SACS: variants seen among roughly 807,000 people sequenced by gnomAD.
SACS encodes the protein sacsin.
In SACS, 197 loss-of-function variants were observed where a neutral mutation model predicts 348.0. That is an observed-to-expected ratio of 0.57 (90% CI 0.50 to 0.64). SACS has a LOEUF of 0.64. Among genes scored for constraint, SACS ranks in the 30% least tolerant of loss-of-function variants. The pLI is 0.00. For missense variants in SACS, 4,999 were observed against 5,360.8 expected (o/e 0.93, Z 2.11); for synonymous variants, 1,985 against 1,910.6 (o/e 1.04, Z -1.02).
In SACS at chr13:23,330,169, T is replaced by C. The variant is rs777831725; in HGVS notation, c.13707A>G (p.Ile4569Met). Reference protein sequence around the residue: ...RVMECTACIIIKLENFMQQKV With the variant: ...RVMECTACIIMKLENFMQQKV Reference sequence around the variant, plus strand: ...TTTGTTGCATAAAATTTTCAAGTTTTATTATGATACAGGCAGTACATTCCA... The same window carrying C: ...TTTGTTGCATAAAATTTTCAAGTTTCATTATGATACAGGCAGTACATTCCA... The change falls in exon 10 of 10, where the codon ATA becomes ATG. Residue 4569 changes from isoleucine to methionine, a missense_variant. Coordinates refer to ENST00000382292, the MANE Select transcript of SACS (RefSeq NM_014363.6). The C allele has an allele frequency of 6.2e-7, 1 of 1,614,096 alleles. No individual in the cohort carries two copies. The highest frequency in any genetic ancestry group is 8.5e-7 in the Non-Finnish European group (1 of 1,179,948).
chr13:23,375,646 G>GCCCCT, intron 2 of SACS: 2 of 791,530 alleles, frequency 2.5e-6, no homozygotes. Flanking sequence ...GATCCGCCCC[G>GCCCCT]CCCCTCCCGC....
intron 9 of SACS, among the ~76,000 whole-genome samples, chr13:23,342,335 G>A (rs1056828409): frequency 7.2e-5 from 11 of 152,140 alleles, no homozygotes; most frequent in East Asian, 3.9e-4. Context: ...AATGTTTAGC[G>A]CTTATTTGCC....
chr13:23,357,829 A>T (rs1413240380), intron 7 of SACS, among the ~76,000 whole-genome samples: 1 of 152,236 alleles, frequency 6.6e-6, no homozygotes, highest in Admixed American at 6.5e-5. Context: ...AATGCTTATA[A>T]GTCTAAAAAG....
chr13:23,393,009 C>T (rs1339241765), intron 2 of SACS, among the ~76,000 whole-genome samples: 1 of 152,172 alleles, frequency 6.6e-6, no homozygotes, highest in Non-Finnish European at 1.5e-5. Flanking sequence ...CACCAACCCT[C>T]ACCACCCCAC....
rs569487087 is a variant in SACS, at chr13:23,422,852, C to CT, written c.-502+10762dup. 9.9e-5 allele frequency among the ~76,000 whole-genome samples: 15 copies of CT among 152,208 alleles called. No homozygotes were observed. The East Asian group carries it at 2.9e-3, about 29-fold the overall frequency. ...ATACTAGAAACATGTTTTGTAGAAT[C>CT]TAACCAATGACATTTCAGACATTGT... On this transcript the variant is annotated intron_variant, in intron 1 of 9. Coordinates refer to ENST00000382292, the MANE Select transcript of SACS (RefSeq NM_014363.6).
At chr13:23,429,345 A>ATTTGTTT (rs1874331485) in intron 1 of SACS, among the ~76,000 whole-genome samples, 1 of 51,466 alleles carries the variant, frequency 1.9e-5, no homozygotes, top group African/African-American at 7.0e-5. Context: ...TGAGGTAGGG[A>ATTTGTTT]TTTTTTTTTT....
chr13:23,368,311 A>G (rs1871183730), intron 5 of SACS, 91 bp downstream of exon 5: 2 of 938,890 alleles, frequency 2.1e-6, no homozygotes, highest in East Asian at 5.2e-5. Flanking sequence ...CAACATTTTA[A>G]AAATTTAAAC....
At chr13:23,429,454 C>G (rs1163769940) in intron 1 of SACS, among the ~76,000 whole-genome samples, 8 of 147,338 alleles carry the variant, frequency 5.4e-5, no homozygotes, top group Non-Finnish European at 1.2e-4. Context: ...GCTCCGCCTC[C>G]CGGGTTCACG....
At chr13:23,362,389 T>C (rs963213279) in intron 6 of SACS, among the ~76,000 whole-genome samples, 6 of 152,132 alleles carry the variant, frequency 3.9e-5, no homozygotes, top group African/African-American at 1.4e-4. Flanking sequence ...AAAAATAAGT[T>C]GACCTTAAGA....
intron 9 of SACS, among the ~76,000 whole-genome samples, chr13:23,344,048 T>C (rs988803977): frequency 3.3e-5 from 5 of 152,214 alleles, no homozygotes; most frequent in Admixed American, 1.3e-4. Context: ...TTGACTAGTA[T>C]AGCCTGTTTG....
intron 1 of SACS, among the ~76,000 whole-genome samples, chr13:23,412,827 A>G (rs1437468386): frequency 2.0e-5 from 3 of 152,256 alleles, no homozygotes; most frequent in Non-Finnish European, 2.9e-5. Flanking sequence ...TACTAGTAAT[A>G]TTCCTTGTAA....
intron 6 of SACS, among the ~76,000 whole-genome samples, chr13:23,360,576 C>T (rs1870666562): frequency 6.6e-6 from 1 of 152,064 alleles, no homozygotes; most frequent in Non-Finnish European, 1.5e-5. Flanking sequence ...TGAAGGACAC[C>T]CACCTTCCTT....
At chr13:23,419,706 C>G (rs1034489025) in intron 1 of SACS, among the ~76,000 whole-genome samples, 1 of 152,148 alleles carries the variant, frequency 6.6e-6, no homozygotes, top group Admixed American at 6.5e-5. Context: ...GCATTGCACT[C>G]GTGTTGGTTG....
At position 23,332,895 on chromosome 13, in the gene SACS, C is replaced by CG; in HGVS notation, c.10980dup (p.Ala3661ArgfsTer5). 6.2e-7 allele frequency: 1 copy of CG among 1,613,822 alleles called. No homozygotes were observed. Among genetic ancestry groups the CG allele is most frequent in the Non-Finnish European group, 8.5e-7 (1 of 1,179,924 alleles). On this transcript the variant is annotated frameshift_variant, in exon 10 of 10. Coordinates refer to ENST00000382292, the MANE Select transcript of SACS (RefSeq NM_014363.6). LOFTEE classifies it high-confidence loss of function. ...TGAGGATGAAATCTAATGAATTCCG[C>CG]GGGGGCCCGCTCAGGACATAAGAAT...
At chr13:23,356,886 G>A (rs1870424592) in intron 7 of SACS, among the ~76,000 whole-genome samples, 1 of 152,182 alleles carries the variant, frequency 6.6e-6, no homozygotes, top group African/African-American at 2.4e-5. Context: ...CCAAGCTTGT[G>A]GGTATTTTAA....
At chr13:23,362,057 A>G (rs1566084539) in intron 6 of SACS, among the ~76,000 whole-genome samples, 1 of 152,238 alleles carries the variant, frequency 6.6e-6, no homozygotes, top group Non-Finnish European at 1.5e-5. Context: ...TTATATATTT[A>G]AGAGGCATAA....
At position 23,331,701 on chromosome 13, in the gene SACS, C is replaced by T. The variant is rs768346595; in HGVS notation, c.12175G>A (p.Val4059Ile). 60 of 1,613,834 alleles carry T rather than the reference C, an allele frequency of 3.7e-5. No individual in the cohort carries two copies. Among genetic ancestry groups the T allele is most frequent in the Non-Finnish European group, 4.8e-5 (57 of 1,179,968 alleles). Residue 4059 changes from valine (V) to isoleucine (I), a missense_variant, in exon 10 of 10, where the codon GTT becomes ATT. Around this residue, in one of 6 missense-constraint regions of SACS, gnomAD observed 831 missense variants for 941.8 expected, o/e 0.88. Transcript: ENST00000382292. Reference protein sequence around the residue: ...CFEKLQTTLRVKGFNPIPHSR... With the variant: ...CFEKLQTTLRIKGFNPIPHSR... ...TGGGGAATAGGATTAAAACCTTTAA[C>T]TCTTAATGTTGTTTGAAGCTTTTCA...
intron 2 of SACS, among the ~76,000 whole-genome samples, chr13:23,400,362 T>G (rs1178186782): frequency 6.6e-6 from 1 of 152,176 alleles, no homozygotes; most frequent in Non-Finnish European, 1.5e-5. Context: ...AGATAGGAAT[T>G]TGGGTAAGAT....
At chr13:23,406,996 C>G (rs1394095978) in intron 2 of SACS, among the ~76,000 whole-genome samples, 3 of 152,160 alleles carry the variant, frequency 2.0e-5, no homozygotes, top group Admixed American at 1.3e-4. Flanking sequence ...AGTGTATCTT[C>G]CACACTCTGC....
Sources: allele counts gnomAD v4.1 joint callset (sites outside exome capture counted in the v4.1 genomes callset), GRCh38; gene constraint gnomAD v4.1.1; regional missense constraint gnomAD v4.1.1; transcripts MANE v1.5; gene names NCBI Gene and HGNC (gene_info 2026-07-23, HGNC 2026-07-21).